Variants in GCFC2 observed in about 807,000 individuals in gnomAD.
GCFC2 encodes the protein intron Large complex component GCFC2.
In GCFC2, 102 loss-of-function variants were observed where a neutral mutation model predicts 99.4. The observed-to-expected ratio is 1.03, with a 90% CI of 0.87 to 1.21. The LOEUF is 1.21. GCFC2 is among the 50% of genes most tolerant of loss of function. GCFC2 has a pLI of 0.00. For synonymous variants in GCFC2, 338 were observed against 316.8 expected (o/e 1.07, Z -0.71); for missense variants, 973 against 920.9 (o/e 1.06, Z -0.73).
intron 2 of GCFC2, among the ~76,000 whole-genome samples, chr2:75,703,628 G>A (rs1330273292): frequency 1.3e-5 from 2 of 152,190 alleles, no homozygotes; most frequent in African/African-American, 4.8e-5. Flanking sequence ...AAGGTCAGGT[G>A]TCTCTTCCTC....
chr2:75,685,063 G>C (rs575754214), intron 11 of GCFC2, among the ~76,000 whole-genome samples: 1 of 152,084 alleles, frequency 6.6e-6, no homozygotes, highest in Admixed American at 6.5e-5. Context: ...CCTTTTGGGG[G>C]TCAGGGGACT....
Position 75,680,194 on chromosome 2 carries a change from T to C in GCFC2, c.1811A>G (p.Gln604Arg). ...TCENEVSKSR[Q>R]DLLKSIVSRM... is the part of the protein sequence containing the mutation. ...GTTCGCAACTCTAGAAATTATTACC[T>C]GTCTGCTTTTACTAACTTCATTTTC... The change falls in exon 12 of 17, where the codon CAG becomes CGG. Residue 604 changes from glutamine (Q) to arginine (R), a missense_variant and splice_region_variant. Gln to Arg is a conservative substitution (Grantham distance 43). Coordinates refer to ENST00000321027, the MANE Select transcript of GCFC2 (RefSeq NM_003203.5). 6.3e-7 allele frequency: 1 copy of C among 1,599,136 alleles called. No homozygotes were observed. The highest frequency in any genetic ancestry group is 8.6e-7 in the Non-Finnish European group (1 of 1,167,086).
At position 75,702,228 on chromosome 2, in the gene GCFC2, GT is replaced by G; in HGVS notation, c.589del (p.Thr197HisfsTer11). 3.1e-6 allele frequency: 5 copies of G among 1,605,654 alleles called. No homozygotes were observed. Among genetic ancestry groups the G allele is most frequent in the Non-Finnish European group, 4.3e-6 (5 of 1,172,352 alleles). Reference sequence around the variant, plus strand: ...TTCCTCAGCCATCCTTTGTCTAAGTGTTTGAGGTCTTAGAGTAAATGGTATT... The same window carrying G: ...TTCCTCAGCCATCCTTTGTCTAAGTGTTGAGGTCTTAGAGTAAATGGTATT... The part of the protein sequence containing the change: ...KRIPFTLRPQ[T>X]LRQRMAEESI... On this transcript the variant is annotated frameshift_variant, in exon 3 of 17. Coordinates refer to ENST00000321027, the MANE Select transcript of GCFC2 (RefSeq NM_003203.5). LOFTEE classifies it high-confidence loss of function.
chr2:75,665,296 G>T (rs1257440577), intron 16 of GCFC2, among the ~76,000 whole-genome samples: 1 of 151,966 alleles, frequency 6.6e-6, no homozygotes, highest in Non-Finnish European at 1.5e-5. Context: ...GGACTCAGGC[G>T]CATGCCACCA....
intron 7 of GCFC2, among the ~76,000 whole-genome samples, chr2:75,691,757 T>C (rs562180439): frequency 2.0e-5 from 3 of 152,322 alleles, no homozygotes; most frequent in East Asian, 1.9e-4. Flanking sequence ...CTGTCTGAAA[T>C]AGTAAATAAC....
chr2:75,680,570 G>A (rs948005809), intron 11 of GCFC2, among the ~76,000 whole-genome samples: 21 of 152,060 alleles, frequency 1.4e-4, no homozygotes, highest in African/African-American at 4.1e-4. Context: ...CTGCAACCAT[G>A]CAGATAAAAA....
intron 3 of GCFC2, 131 bp downstream of exon 3, chr2:75,702,068 C>G: frequency 6.9e-7 from 1 of 1,454,450 alleles, no homozygotes; most frequent in Non-Finnish European, 9.0e-7. Context: ...ATATCATGGA[C>G]CAAATCGATG....
chr2:75,708,731 G>A (rs540864324), intron 1 of GCFC2, among the ~76,000 whole-genome samples: 3 of 151,780 alleles, frequency 2.0e-5, no homozygotes, highest in Admixed American at 6.6e-5. Context: ...GGCTGGGCTC[G>A]AACTCCTGAT....
chr2:75,701,122 A>G (rs1176830178), intron 4 of GCFC2, 68 bp downstream of exon 4: 3 of 878,656 alleles, frequency 3.4e-6, no homozygotes, highest in East Asian at 2.4e-5. Flanking sequence ...CTTTTGAGTC[A>G]CCAAGTTTGT....
intron 6 of GCFC2, among the ~76,000 whole-genome samples, chr2:75,692,561 C>T (rs939082652): frequency 3.3e-5 from 5 of 151,784 alleles, no homozygotes; most frequent in Non-Finnish European, 7.4e-5. Flanking sequence ...GCAGGAGAAT[C>T]GCTTGAACTC....
At chr2:75,706,732 A>G (rs34446032) in intron 1 of GCFC2, 81 bp from the exon 2 acceptor site, 88,543 of 867,466 alleles carry the variant, frequency 0.1, 5,503 homozygotes, top group Non-Finnish European at 0.13. Flanking sequence ...AACACATGGC[A>G]TATGTATAAT....
At chr2:75,695,491 A>G (rs1680268914) in intron 5 of GCFC2, among the ~76,000 whole-genome samples, 1 of 152,202 alleles carries the variant, frequency 6.6e-6, no homozygotes, top group Admixed American at 6.5e-5. Flanking sequence ...TAAATAGAAA[A>G]GTAGAATTTT....
rs376199328 is a variant in GCFC2, at chr2:75,700,486, C to A, written c.717+704G>T. 2.0e-5 allele frequency among the ~76,000 whole-genome samples: 3 copies of A among 151,886 alleles called. No individual in the cohort carries two copies. In the East Asian group the frequency reaches 5.8e-4, roughly 29 times the overall value. ...TGTAGTCGAAGTAGATATACCATTG[C>A]GGTGAGATGTCTCTGTTGTATTGTG... On this transcript the variant is annotated intron_variant, in intron 4 of 16. Coordinates refer to ENST00000321027, the MANE Select transcript of GCFC2 (RefSeq NM_003203.5).
chr2:75,708,464 CA>C (rs1354789776), intron 1 of GCFC2, among the ~76,000 whole-genome samples: 1 of 147,506 alleles, frequency 6.8e-6, no homozygotes, highest in Non-Finnish European at 1.5e-5. Flanking sequence ...AAGAGCACCC[CA>C]AATTTAATCA....
In GCFC2 at chr2:75,684,050, G is replaced by A. The variant is rs183564188; in HGVS notation, c.1691-3736C>T. 3.5e-3 allele frequency among the ~76,000 whole-genome samples: 535 copies of A among 152,244 alleles called. 3 individuals carry two copies. Among genetic ancestry groups the A allele is most frequent in the African/African-American group, 0.012 (517 of 41,536 alleles). On this transcript the variant is annotated intron_variant, in intron 11 of 16. Transcript: ENST00000321027. The stretch of plus-strand genomic sequence containing the variant: ...TAGTGGGAGCCTTTAACATCCCACT[G>A]TCGATAACAGACAGATCAATGAAAC...
Position 75,664,518 on chromosome 2 carries a change from C to CAT in GCFC2, c.*147_*148insAT. 2 of 475,928 alleles carry CAT rather than the reference C, an allele frequency of 4.2e-6. No individual in the cohort carries two copies. Among genetic ancestry groups the CAT allele is most frequent in the Non-Finnish European group, 7.4e-6 (2 of 269,410 alleles). 29.5% of individuals were successfully genotyped at this position (475,928 alleles called of 1,614,324 possible). ...TTTCATGATGCCAGAAGGTAAAGCA[C>CAT]GGGGGAATACAGAGGTGGAGTCCTG... On this transcript the variant is annotated 3_prime_UTR_variant, in exon 17 of 17. Transcript: ENST00000321027.
intron 4 of GCFC2, among the ~76,000 whole-genome samples, chr2:75,700,048 G>A (rs1680513169): frequency 6.6e-6 from 1 of 152,082 alleles, no homozygotes. Context: ...CTACAGGTGT[G>A]TGCCACCATG....
chr2:75,697,775 G>C (rs534170698), intron 4 of GCFC2: 4 of 152,408 alleles, frequency 2.6e-5, no homozygotes, highest in African/African-American at 7.2e-5. Flanking sequence ...ACCATCCTAA[G>C]AGATAGGGAA....
chr2:75,679,120 C>T (rs1005506279), intron 12 of GCFC2, among the ~76,000 whole-genome samples: 1 of 152,168 alleles, frequency 6.6e-6, no homozygotes, highest in Non-Finnish European at 1.5e-5. Flanking sequence ...CTTTTCACTT[C>T]CAGTTTTAAG....
Sources: allele counts gnomAD v4.1 joint callset (sites outside exome capture counted in the v4.1 genomes callset), GRCh38; gene constraint gnomAD v4.1.1; transcripts MANE v1.5; gene names NCBI Gene and HGNC (gene_info 2026-07-23, HGNC 2026-07-21).